Variants in ZNF251 observed in about 807,000 individuals in gnomAD.
ZNF251 encodes zinc finger protein 251.
Under a neutral mutation model 13.5 loss-of-function variants are expected in ZNF251, and 14 were observed. The ratio of observed to expected loss-of-function variants is 1.04; its 90% CI spans 0.69 to 1.63. The LOEUF (loss-of-function observed/expected upper bound fraction) is 1.63. Ranked by LOEUF, ZNF251 falls within the 40% of genes most tolerant of loss-of-function variation. ZNF251 has a pLI of 0.00. For missense variants in ZNF251, 764 were observed against 834.9 expected, an observed-to-expected ratio of 0.92 and a Z score of 1.05; for synonymous variants, 287 against 295.2, an observed-to-expected ratio of 0.97 and a Z score of 0.28.
intron 4 of ZNF251, among the ~76,000 whole-genome samples, chr8:144,751,600 G>A (rs1266385929): frequency 1.3e-5 from 2 of 152,176 alleles, no homozygotes; most frequent in African/African-American, 2.4e-5. Flanking sequence ...TTTAAATGGA[G>A]TTATAAAAAG....
Position 144,734,450 on chromosome 8 carries a change from G to A in ZNF251, c.278-11068C>T, listed in dbSNP as rs1238183852. ...GGTTCCTGCCCCACCGGACGCTGGAGGCCTCCACCTGGCTCTGAGATGAGT... is the reference window on the plus strand; with the variant it reads ...GGTTCCTGCCCCACCGGACGCTGGAAGCCTCCACCTGGCTCTGAGATGAGT... On this transcript the variant is annotated intron_variant, in intron 4 of 4. Coordinates refer to ENST00000292562, the MANE Select transcript of ZNF251 (RefSeq NM_138367.2). This position sits in a 1 kb window ranked among gnomAD's most constrained non-coding sequence, Gnocchi z 4.4. Among the ~76,000 whole-genome samples, 1 of 152,242 alleles carries A rather than the reference G, an allele frequency of 6.6e-6. No homozygotes were observed. Among genetic ancestry groups the A allele is most frequent in the African/African-American group, 2.4e-5 (1 of 41,474 alleles).
intron 4 of ZNF251, among the ~76,000 whole-genome samples, chr8:144,750,555 T>C (rs1824644297): frequency 1.3e-5 from 2 of 152,224 alleles, no homozygotes; most frequent in South Asian, 4.1e-4. Flanking sequence ...CAGAATGGTA[T>C]ATTCCAAAGT....
intron 4 of ZNF251, among the ~76,000 whole-genome samples, chr8:144,733,353 C>T (rs1823777323): frequency 6.6e-6 from 1 of 152,232 alleles, no homozygotes; most frequent in Non-Finnish European, 1.5e-5. Context: ...CCTGCCTGGG[C>T]AAGATGTTGA....
rs1278405557 is a variant in ZNF251, at chr8:144,754,336, C to T, written c.34-15G>A. On this transcript the variant is annotated splice_polypyrimidine_tract_variant and intron_variant, in intron 2 of 4. Coordinates refer to ENST00000292562, the MANE Select transcript of ZNF251 (RefSeq NM_138367.2). ...AGCGGCATCTCCTGCAACAAAACAT[C>T]GCCGCTGCCCAGGCCATGCCCACGG... 6.3e-7 allele frequency: 1 copy of T among 1,589,778 alleles called. No individual in the cohort carries two copies. The highest frequency in any genetic ancestry group is 1.8e-5 in the Admixed American group (1 of 55,990).
intron 4 of ZNF251, among the ~76,000 whole-genome samples, chr8:144,743,278 C>G (rs1047274536): frequency 2.0e-5 from 3 of 152,006 alleles, no homozygotes; most frequent in Non-Finnish European, 4.4e-5. Flanking sequence ...TGGCCAGGCT[C>G]GTCTCGAACT....
At chr8:144,730,200 G>C (rs187353634) in intron 4 of ZNF251, 1 of 826,530 alleles carries the variant, frequency 1.2e-6, no homozygotes, top group Non-Finnish European at 1.5e-6. Context: ...TCCAGGCGCG[G>C]GGCCCAGAGC....
intron 4 of ZNF251, among the ~76,000 whole-genome samples, chr8:144,748,728 A>AT (rs1234770455): frequency 1.3e-5 from 2 of 151,936 alleles, no homozygotes; most frequent in Admixed American, 6.6e-5. Flanking sequence ...CACCAAGCTA[A>AT]TTTTTTTAAC....
intron 4 of ZNF251, among the ~76,000 whole-genome samples, chr8:144,732,827 A>G (rs1487517359): frequency 6.6e-6 from 1 of 151,720 alleles, no homozygotes; most frequent in Non-Finnish European, 1.5e-5. Context: ...AAAAAAAAAA[A>G]AAATACATTG....
intron 2 of ZNF251, 80 bp from the exon 3 acceptor site, chr8:144,754,401 C>A (rs1824854364): frequency 2.0e-6 from 3 of 1,480,882 alleles, no homozygotes; most frequent in Non-Finnish European, 1.8e-6. Context: ...CCTGGTGGGG[C>A]CCCACTACCC....
chr8:144,735,264 G>A lies in ZNF251; in HGVS notation c.278-11882C>T, dbSNP rs145434504. Among the ~76,000 whole-genome samples, 1,368 of 150,558 alleles carry A rather than the reference G, an allele frequency of 9.1e-3. 24 individuals carry two copies. Among genetic ancestry groups the A allele is most frequent in the African/African-American group, 0.031 (1,279 of 40,868 alleles). On this transcript the variant is annotated intron_variant, in intron 4 of 4. Coordinates refer to ENST00000292562, the MANE Select transcript of ZNF251 (RefSeq NM_138367.2). Reference sequence around the variant, plus strand: ...AGCTGGCCAGTAGTGGAGTGCACCTGTAATCCCAGCTACTTGGGAGGCTGA... The same window carrying A: ...AGCTGGCCAGTAGTGGAGTGCACCTATAATCCCAGCTACTTGGGAGGCTGA...
chr8:144,755,438 G>A lies in ZNF251; in HGVS notation c.-109C>T. On this transcript the variant is annotated 5_prime_UTR_variant, in exon 1 of 5. Transcript: ENST00000292562. Reference sequence around the variant, plus strand: ...TCGACCCGGGGAAGCCACCGAGGAAGCGCCGAGGAGCTGCGCAGTCGCACC... The same window carrying A: ...TCGACCCGGGGAAGCCACCGAGGAAACGCCGAGGAGCTGCGCAGTCGCACC... 3 of 1,288,148 alleles carry A rather than the reference G, an allele frequency of 2.3e-6. No homozygotes were observed. The highest frequency in any genetic ancestry group is 3.0e-6 in the Non-Finnish European group (3 of 988,830). 79.8% of individuals were successfully genotyped at this position (1,288,148 alleles called of 1,614,324 possible).
intron 2 of ZNF251, 99 bp downstream of exon 2, chr8:144,754,597 G>T (rs1824866648): frequency 1.2e-5 from 18 of 1,493,328 alleles, no homozygotes; most frequent in Non-Finnish European, 1.4e-5. Context: ...CCCCTGGCTG[G>T]CCTTACCAGT....
intron 4 of ZNF251, among the ~76,000 whole-genome samples, chr8:144,725,117 G>A (rs1481049757): frequency 6.6e-6 from 1 of 151,884 alleles, no homozygotes; most frequent in African/African-American, 2.4e-5. Context: ...GGGTTCAAGC[G>A]ATTCTCCTGC....
intron 4 of ZNF251, among the ~76,000 whole-genome samples, chr8:144,726,615 A>G (rs1171559374): frequency 6.6e-6 from 1 of 151,904 alleles, no homozygotes; most frequent in Admixed American, 6.5e-5. Context: ...TCACGCCTGT[A>G]ATCCCAGCAC....
At chr8:144,747,570 C>G (rs1284001196) in intron 4 of ZNF251, among the ~76,000 whole-genome samples, 3 of 152,232 alleles carry the variant, frequency 2.0e-5, no homozygotes, top group Non-Finnish European at 2.9e-5. Flanking sequence ...GTGAACTCAT[C>G]TATTTCCCCT....
In ZNF251 at chr8:144,721,482, C is replaced by A. The variant is rs1014256047; in HGVS notation, c.*162G>T. 9 of 707,748 alleles carry A rather than the reference C, an allele frequency of 1.3e-5. No homozygotes were observed. Among genetic ancestry groups the A allele is most frequent in the Non-Finnish European group, 1.6e-5 (8 of 507,366 alleles). 43.8% of individuals were successfully genotyped at this position (707,748 alleles called of 1,614,324 possible). A position where few individuals can be genotyped will look rare whatever the true frequency, so the allele number is the denominator to read the frequency against. On this transcript the variant is annotated 3_prime_UTR_variant, in exon 5 of 5. Coordinates refer to ENST00000292562, the MANE Select transcript of ZNF251 (RefSeq NM_138367.2). Reference sequence around the variant, plus strand: ...ACAGCCTGATTTCCCAGAATGAATTCTCGTGTTTACTTCCAGATTTAATGA... The same window carrying A: ...ACAGCCTGATTTCCCAGAATGAATTATCGTGTTTACTTCCAGATTTAATGA...
chr8:144,744,354 G>A (rs1388330850), intron 4 of ZNF251, among the ~76,000 whole-genome samples: 1 of 152,124 alleles, frequency 6.6e-6, no homozygotes, highest in Non-Finnish European at 1.5e-5. Context: ...CATGGATTGT[G>A]CCTTTGGTGT....
chr8:144,755,005 GC>G (rs911819547), intron 1 of ZNF251: 1 of 1,388,070 alleles, frequency 7.2e-7, no homozygotes, highest in Non-Finnish European at 9.3e-7. Context: ...ATCCAGGGAC[GC>G]CCGGCTAAGG....
chr8:144,731,644 T>TG (rs1230198185), intron 4 of ZNF251, among the ~76,000 whole-genome samples: 1 of 152,252 alleles, frequency 6.6e-6, no homozygotes, highest in Non-Finnish European at 1.5e-5. Flanking sequence ...TGGAGTGCAG[T>TG]GGCACGATTT....
Sources: allele counts gnomAD v4.1 joint callset (sites outside exome capture counted in the v4.1 genomes callset), GRCh38; gene constraint gnomAD v4.1.1; non-coding constraint Gnocchi (gnomAD v3.1); transcripts MANE v1.5; gene names NCBI Gene and HGNC (gene_info 2026-07-23, HGNC 2026-07-21).